MFSD6: variants seen among roughly 807,000 people sequenced by gnomAD.
MFSD6 encodes the protein major facilitator superfamily domain containing 6, also known as major facilitator superfamily domain-containing protein 6.
MFSD6 carries 26 observed loss-of-function variants against 56.3 expected under a neutral mutation model. The ratio of observed to expected loss-of-function variants is 0.46; its 90% confidence interval spans 0.34 to 0.64. The LOEUF is 0.64. Among genes scored for constraint, MFSD6 ranks in the 30% least tolerant of loss-of-function variants. MFSD6 has a pLI of 0.01. For missense variants in MFSD6, 750 were observed against 986.2 expected (o/e 0.76, Z 3.21); for synonymous variants, 331 against 366.9 (o/e 0.90, Z 1.12).
rs1689293981 is a variant in MFSD6 at position 190,490,674 on chromosome 2, A to G, written c.1891+808A>G. Reference sequence around the variant, plus strand: ...TTCTACCAAAAGGAGGTTATATCAAATATTAATATGTAGATGAGAATGAGC... The same window carrying G: ...TTCTACCAAAAGGAGGTTATATCAAGTATTAATATGTAGATGAGAATGAGC... On this transcript the variant is annotated intron_variant, in intron 6 of 7. Transcript: ENST00000392328. This position sits in a 1 kb window ranked among gnomAD's most constrained non-coding sequence, Gnocchi z 4.5. Among the ~76,000 whole-genome samples, 1 of 152,246 alleles carries G rather than the reference A, an allele frequency of 6.6e-6. No individual in the cohort carries two copies. The highest frequency in any genetic ancestry group is 1.5e-5 in the Non-Finnish European group (1 of 68,046).
Position 190,497,959 on chromosome 2 carries a change from T to C in MFSD6, c.2172+240T>C. On this transcript the variant is annotated intron_variant, in intron 7 of 7. Transcript: ENST00000392328. The surrounding 1 kb of genome is among the most constrained non-coding windows in gnomAD (Gnocchi z 5.2). ...GAAAACTTCAGAGGTTATGATTCTTTCACTTCTTGAAAGAAATAAAATAAA... is the reference window on the plus strand; with the variant it reads ...GAAAACTTCAGAGGTTATGATTCTTCCACTTCTTGAAAGAAATAAAATAAA... 1 of 372,584 alleles carries C rather than the reference T, an allele frequency of 2.7e-6. No individual in the cohort carries two copies. Among genetic ancestry groups the C allele is most frequent in the South Asian group, 7.9e-5 (1 of 12,658 alleles). The allele number at this position is 372,584 out of a possible 1,614,324, so 23.1% of individuals were successfully genotyped here.
In MFSD6 at chr2:190,456,744, G is replaced by A. The variant is rs1403304046; in HGVS notation, c.1533-13014G>A. ...TCATGTCCAGCTGCAGGTAAGAGGTGGAAACCTTGGCTCACCCCTCGTCCT... is the reference window on the plus strand; with the variant it reads ...TCATGTCCAGCTGCAGGTAAGAGGTAGAAACCTTGGCTCACCCCTCGTCCT... On this transcript the variant is annotated intron_variant, in intron 3 of 7. Transcript: ENST00000392328. The surrounding 1 kb of genome is among the most constrained non-coding windows in gnomAD (Gnocchi z 5.4). 6.6e-6 allele frequency among the ~76,000 whole-genome samples: 1 copy of A among 152,188 alleles called. No homozygotes were observed. The highest frequency in any genetic ancestry group is 1.5e-5 in the Non-Finnish European group (1 of 68,020).
rs1689750149 is a variant in MFSD6 at position 190,497,234 on chromosome 2, A to G, written c.1892-205A>G. Among the ~76,000 whole-genome samples, 1 of 152,178 alleles carries G rather than the reference A, an allele frequency of 6.6e-6. No individual in the cohort carries two copies. The highest frequency in any genetic ancestry group is 2.1e-4 in the South Asian group (1 of 4,826). ...TATATGCTAATGTCTATTAAGGCCTATAAAGAGACCCAAAGATAAACATCA... is the reference window on the plus strand; with the variant it reads ...TATATGCTAATGTCTATTAAGGCCTGTAAAGAGACCCAAAGATAAACATCA... On this transcript the variant is annotated intron_variant, in intron 6 of 7. Transcript: ENST00000392328. This position sits in a 1 kb window ranked among gnomAD's most constrained non-coding sequence, Gnocchi z 5.2.
At chr2:190,473,684 A>T (rs998648640) in intron 4 of MFSD6, among the ~76,000 whole-genome samples, 4 of 152,230 alleles carry the variant, frequency 2.6e-5, no homozygotes, top group African/African-American at 9.6e-5. Flanking sequence ...GTCAGTAAGG[A>T]TATCCAGGAA....
intron 3 of MFSD6, among the ~76,000 whole-genome samples, chr2:190,453,475 T>G (rs1228559032): frequency 6.6e-6 from 1 of 152,230 alleles, no homozygotes; most frequent in Non-Finnish European, 1.5e-5. Flanking sequence ...TTCCCCTTTC[T>G]TATTTTCACC....
intron 3 of MFSD6, among the ~76,000 whole-genome samples, chr2:190,466,306 A>G (rs769803575): frequency 7.9e-5 from 12 of 152,222 alleles, no homozygotes; most frequent in Non-Finnish European, 1.5e-4. Flanking sequence ...AGTGCATACT[A>G]TGGCAGTTTA....
rs1159026849 is a variant in MFSD6, at chr2:190,463,111, G to A, written c.1533-6647G>A. 6.6e-6 allele frequency among the ~76,000 whole-genome samples: 1 copy of A among 152,176 alleles called. No homozygotes were observed. Among genetic ancestry groups the A allele is most frequent in the African/African-American group, 2.4e-5 (1 of 41,436 alleles). On this transcript the variant is annotated intron_variant, in intron 3 of 7. Coordinates refer to ENST00000392328, the MANE Select transcript of MFSD6 (RefSeq NM_017694.4). The surrounding 1 kb of genome is among the most constrained non-coding windows in gnomAD (Gnocchi z 4.4). ...GACAGTTACAGCAAAACCCTATTCTGCTAGTGAGGGACACAGAAATCCTGG... is the reference window on the plus strand; with the variant it reads ...GACAGTTACAGCAAAACCCTATTCTACTAGTGAGGGACACAGAAATCCTGG...
chr2:190,467,831 T>A lies in MFSD6; in HGVS notation c.1533-1927T>A, dbSNP rs1687686066. ...CATTTCAGTGTTCATAATTCAGCTC[T>A]TGTTGGAACATGGCCATGCTCATTC... On this transcript the variant is annotated intron_variant, in intron 3 of 7. Transcript: ENST00000392328. The surrounding 1 kb of genome is among the most constrained non-coding windows in gnomAD (Gnocchi z 5.5). Among the ~76,000 whole-genome samples the A allele has an allele frequency of 6.6e-6, 1 of 152,252 alleles. No homozygotes were observed.
At chr2:190,411,529 TTA>T in intron 1 of MFSD6, 1 of 985,320 alleles carries the variant, frequency 1.0e-6, no homozygotes, top group Non-Finnish European at 1.2e-6. Context: ...CCTTATAAAG[TTA>T]TGTTTGGGCT....
Position 190,438,123 on chromosome 2 carries a change from C to T in MFSD6, c.1532+562C>T, listed in dbSNP as rs1686239072. Among the ~76,000 whole-genome samples the T allele has an allele frequency of 6.6e-6, 1 of 151,994 alleles. No individual in the cohort carries two copies. Among genetic ancestry groups the T allele is most frequent in the East Asian group, 1.9e-4 (1 of 5,194 alleles). ...CTTAAGTATTTTTTTTGGGTTATTA[C>T]ATGACTCCCTGCATTTCTGTCCACC... On this transcript the variant is annotated intron_variant, in intron 3 of 7. Coordinates refer to ENST00000392328, the MANE Select transcript of MFSD6 (RefSeq NM_017694.4). This position sits in a 1 kb window ranked among gnomAD's most constrained non-coding sequence, Gnocchi z 5.2.
intron 6 of MFSD6, among the ~76,000 whole-genome samples, chr2:190,493,683 A>C (rs1689496733): frequency 6.6e-6 from 1 of 152,246 alleles, no homozygotes; most frequent in Non-Finnish European, 1.5e-5. Context: ...CTCTCAGACC[A>C]CAGTGGAATA....
rs1397837108 is a variant in MFSD6, at chr2:190,456,969, A to C, written c.1533-12789A>C. 2.0e-5 allele frequency among the ~76,000 whole-genome samples: 3 copies of C among 152,130 alleles called. No homozygotes were observed. Among genetic ancestry groups the C allele is most frequent in the Non-Finnish European group, 4.4e-5 (3 of 68,026 alleles). On this transcript the variant is annotated intron_variant, in intron 3 of 7. Coordinates refer to ENST00000392328, the MANE Select transcript of MFSD6 (RefSeq NM_017694.4). This position sits in a 1 kb window ranked among gnomAD's most constrained non-coding sequence, Gnocchi z 5.4. ...TCCCAATGACTCGTCAAAGTTTAAA[A>C]TGTCAACCGTCTTCTGATGCCAACA... is the stretch of plus-strand genomic sequence containing the variant.
chr2:190,422,301 C>T (rs565893284), intron 2 of MFSD6, among the ~76,000 whole-genome samples: 4 of 152,274 alleles, frequency 2.6e-5, no homozygotes, highest in African/African-American at 9.6e-5. Context: ...AGACTGGTTG[C>T]CCTTCAAAGT....
At chr2:190,421,628 G>A (rs1242187081) in intron 2 of MFSD6, among the ~76,000 whole-genome samples, 3 of 151,980 alleles carry the variant, frequency 2.0e-5, no homozygotes, top group Non-Finnish European at 4.4e-5. Context: ...TGTCACCCAG[G>A]CTGAGTGCAG....
At position 190,418,605 on chromosome 2, in the gene MFSD6, A is replaced by G. The variant is rs1216841326; in HGVS notation, c.-54+3192A>G. Reference sequence around the variant, plus strand: ...ACCCTGTCTCTGCAAACAACTGAAAAGAATAGCTGAAAGTGGTGGTGTGTG... The same window carrying G: ...ACCCTGTCTCTGCAAACAACTGAAAGGAATAGCTGAAAGTGGTGGTGTGTG... On this transcript the variant is annotated intron_variant, in intron 2 of 7. Transcript: ENST00000392328. The surrounding 1 kb of genome is among the most constrained non-coding windows in gnomAD (Gnocchi z 4.1). Among the ~76,000 whole-genome samples, 1 of 152,180 alleles carries G rather than the reference A, an allele frequency of 6.6e-6. No homozygotes were observed. Among genetic ancestry groups the G allele is most frequent in the Admixed American group, 6.5e-5 (1 of 15,286 alleles).
At position 190,436,065 on chromosome 2, in the gene MFSD6, T is replaced by C; in HGVS notation, c.36T>C (p.Asp12=). 6.2e-7 allele frequency: 1 copy of C among 1,613,764 alleles called. No homozygotes were observed. The highest frequency in any genetic ancestry group is 8.5e-7 in the Non-Finnish European group (1 of 1,179,760). The part of the protein sequence containing the change: ...ADDKVAILTD[D]EEEQKRKYVL... The stretch of plus-strand genomic sequence containing the variant: ...ATAAAGTTGCTATCTTAACGGATGA[T>C]GAAGAGGAACAGAAGAGAAAGTATG... Residue 12 remains aspartate (D), a synonymous_variant, in exon 3 of 8, where the codon GAT becomes GAC. Coordinates refer to ENST00000392328, the MANE Select transcript of MFSD6 (RefSeq NM_017694.4). The surrounding 1 kb of genome is among the most constrained non-coding windows in gnomAD (Gnocchi z 5.3).
chr2:190,458,632 T>C lies in MFSD6; in HGVS notation c.1533-11126T>C. Among the ~76,000 whole-genome samples, 1 of 152,226 alleles carries C rather than the reference T, an allele frequency of 6.6e-6. No individual in the cohort carries two copies. Among genetic ancestry groups the C allele is most frequent in the East Asian group, 1.9e-4 (1 of 5,194 alleles). On this transcript the variant is annotated intron_variant, in intron 3 of 7. Transcript: ENST00000392328. The surrounding 1 kb of genome is among the most constrained non-coding windows in gnomAD (Gnocchi z 5.3). Reference sequence around the variant, plus strand: ...TGCTTGACAGATGGTTATTAGCCTTTGCTTGACCGTTTCTAGAGATATGGA... The same window carrying C: ...TGCTTGACAGATGGTTATTAGCCTTCGCTTGACCGTTTCTAGAGATATGGA...
rs901119346 is a variant in MFSD6 at position 190,416,811 on chromosome 2, A to T, written c.-54+1398A>T. 2.0e-4 allele frequency among the ~76,000 whole-genome samples: 30 copies of T among 152,204 alleles called. No individual in the cohort carries two copies. Among genetic ancestry groups the T allele is most frequent in the Admixed American group, 2.0e-3 (30 of 15,280 alleles). On this transcript the variant is annotated intron_variant, in intron 2 of 7. Coordinates refer to ENST00000392328, the MANE Select transcript of MFSD6 (RefSeq NM_017694.4). The surrounding 1 kb of genome is among the most constrained non-coding windows in gnomAD (Gnocchi z 4.1). ...TGGGAGTTAATTGACTTAAGTTTGT[A>T]TGGAAAAGGAGGCTTAAAGAGGCAC...
At chr2:190,419,304 C>T (rs2124993639) in intron 2 of MFSD6, among the ~76,000 whole-genome samples, 1 of 152,318 alleles carries the variant, frequency 6.6e-6, no homozygotes, top group South Asian at 2.1e-4. Flanking sequence ...CTATACTGGT[C>T]ATAATTGCAG....
Sources: allele counts gnomAD v4.1 joint callset (sites outside exome capture counted in the v4.1 genomes callset), GRCh38; gene constraint gnomAD v4.1.1; non-coding constraint Gnocchi (gnomAD v3.1); transcripts MANE v1.5; gene names NCBI Gene and HGNC (gene_info 2026-07-23, HGNC 2026-07-21).